The following ZNF516 variants were observed in gnomAD, a reference collection of about 807,000 sequenced individuals.
The protein encoded by ZNF516 is zinc finger protein 516.
Under a neutral mutation model 79.7 loss-of-function variants are expected in ZNF516, and 19 were observed. That is an observed-to-expected ratio of 0.24 (90% confidence interval 0.17 to 0.35). ZNF516 has a LOEUF of 0.35. Among genes scored for constraint, ZNF516 ranks in the 10% least tolerant of loss-of-function variants. ZNF516 has a pLI of 1.00. For synonymous variants in ZNF516, 877 were observed against 739.5 expected, an observed-to-expected ratio of 1.19 and a Z score of -3.02; for missense variants, 1,678 against 1,679.5, an observed-to-expected ratio of 1.00 and a Z score of 0.02.
At chr18:76,391,488 C>T (rs536913262) in intron 3 of ZNF516, among the ~76,000 whole-genome samples, 10 of 152,222 alleles carry the variant, frequency 6.6e-5, no homozygotes, top group African/African-American at 2.4e-4. Context: ...CTAACCCTAC[C>T]CCTACACCTA....
chr18:76,476,805 A>G (rs976975936), intron 1 of ZNF516, among the ~76,000 whole-genome samples: 4 of 152,198 alleles, frequency 2.6e-5, no homozygotes, highest in Non-Finnish European at 5.9e-5. Flanking sequence ...GAACAACTAT[A>G]AATTTCACAT....
chr18:76,466,749 A>G (rs1913497786), intron 1 of ZNF516, among the ~76,000 whole-genome samples: 1 of 152,172 alleles, frequency 6.6e-6, no homozygotes, highest in Admixed American at 6.5e-5. Flanking sequence ...AAAAGTAGAG[A>G]AGGGACCCTG....
chr18:76,381,025 CAAG>C (rs2074884044), intron 3 of ZNF516, among the ~76,000 whole-genome samples: 1 of 152,234 alleles, frequency 6.6e-6, no homozygotes, highest in African/African-American at 2.4e-5. Context: ...TTCCGCCCCT[CAAG>C]CTCTGCGCCC....
At chr18:76,404,432 C>T (rs1201065731) in intron 3 of ZNF516, among the ~76,000 whole-genome samples, 2 of 151,814 alleles carry the variant, frequency 1.3e-5, no homozygotes, top group African/African-American at 2.4e-5. Context: ...CATGTGTGCA[C>T]GTGTAAGAGT....
chr18:76,391,429 T>C (rs2075073036), intron 3 of ZNF516, among the ~76,000 whole-genome samples: 1 of 151,992 alleles, frequency 6.6e-6, no homozygotes, highest in Non-Finnish European at 1.5e-5. Context: ...CCACTAACTC[T>C]AACACTATTA....
intron 3 of ZNF516, among the ~76,000 whole-genome samples, chr18:76,413,554 T>C (rs954665948): frequency 4.0e-5 from 6 of 150,858 alleles, no homozygotes; most frequent in African/African-American, 7.2e-5. Context: ...ATAAAGTACA[T>C]TTTTTGTTTC....
intron 3 of ZNF516, among the ~76,000 whole-genome samples, chr18:76,439,553 A>G (rs189151860): frequency 1.8e-4 from 28 of 152,352 alleles, no homozygotes; most frequent in Admixed American, 1.1e-3. Context: ...TTTAAGACAT[A>G]AACAGTAGTC....
chr18:76,492,982 G>A, intron 1 of ZNF516: 6 of 985,556 alleles, frequency 6.1e-6, no homozygotes, highest in Non-Finnish European at 7.2e-6. Flanking sequence ...ACGCGCACGC[G>A]CGCGCTCACA....
intron 5 of ZNF516, among the ~76,000 whole-genome samples, chr18:76,371,040 G>A (rs2074695161): frequency 6.6e-6 from 1 of 152,186 alleles, no homozygotes; most frequent in Non-Finnish European, 1.5e-5. Flanking sequence ...GAGGGATTTT[G>A]CAGTACATCC....
In ZNF516 at chr18:76,442,689, C is replaced by G. The variant is rs28670651; in HGVS notation, c.366G>C (p.Ser122=). The change falls in exon 3 of 7, where the codon TCG becomes TCC. Residue 122 remains serine (S), a synonymous_variant. Coordinates refer to ENST00000443185, the MANE Select transcript of ZNF516 (RefSeq NM_014643.4). Reference sequence around the variant, plus strand: ...CCCCGTTCAGCAGCCGGTTGCAGGCCGAGGCGCTCTTGGTGGGGCTGGCGC... The same window carrying G: ...CCCCGTTCAGCAGCCGGTTGCAGGCGGAGGCGCTCTTGGTGGGGCTGGCGC... The part of the protein sequence containing the change: ...DACASPTKSA[S]ACNRLLNGAS... 2.5e-6 allele frequency: 4 copies of G among 1,583,396 alleles called. No individual in the cohort carries two copies. Among genetic ancestry groups the G allele is most frequent in the Non-Finnish European group, 3.4e-6 (4 of 1,167,262 alleles).
chr18:76,385,776 G>GCCCCCCCC (rs147872052), intron 3 of ZNF516: 1 of 146,766 alleles, frequency 6.8e-6, no homozygotes, highest in Non-Finnish European at 1.5e-5. Flanking sequence ...CCACTGCACT[G>GCCCCCCCC]CCCCCCCCCC....
intron 2 of ZNF516, among the ~76,000 whole-genome samples, chr18:76,455,176 G>A (rs560823647): frequency 1.3e-5 from 2 of 152,260 alleles, no homozygotes; most frequent in South Asian, 2.1e-4. Flanking sequence ...CCAAGAACTC[G>A]AAGACCATGA....
intron 3 of ZNF516, among the ~76,000 whole-genome samples, chr18:76,436,999 G>A (rs1039073344): frequency 3.3e-5 from 5 of 151,672 alleles, no homozygotes; most frequent in African/African-American, 7.3e-5. Context: ...CCCGGGAGGC[G>A]GAGGTTGCAG....
chr18:76,489,032 G>A (rs1490777993), intron 1 of ZNF516, among the ~76,000 whole-genome samples: 1 of 152,208 alleles, frequency 6.6e-6, no homozygotes, highest in Non-Finnish European at 1.5e-5. Flanking sequence ...CCCTGCTGCA[G>A]AACGCAGTGA....
rs150255264 is a variant in ZNF516, at chr18:76,471,115, G to C, written c.-271-7974C>G. Among the ~76,000 whole-genome samples the C allele has an allele frequency of 1.4e-3, 217 of 151,932 alleles. 1 individual carries two copies. Among genetic ancestry groups the C allele is most frequent in the East Asian group, 4.4e-3 (23 of 5,172 alleles). On this transcript the variant is annotated intron_variant, in intron 1 of 6. Coordinates refer to ENST00000443185, the MANE Select transcript of ZNF516 (RefSeq NM_014643.4). Reference sequence around the variant, plus strand: ...TTACAGTATTCCTCACCAATCTGTTGGGCAGAAGAAACAAGAAACACAGAT... The same window carrying C: ...TTACAGTATTCCTCACCAATCTGTTCGGCAGAAGAAACAAGAAACACAGAT...
At chr18:76,399,103 C>T (rs376606295) in intron 3 of ZNF516, among the ~76,000 whole-genome samples, 3 of 152,314 alleles carry the variant, frequency 2.0e-5, no homozygotes, top group South Asian at 4.1e-4. Flanking sequence ...ATGGCACCTG[C>T]GCCCAAGCTA....
chr18:76,441,099 G>A (rs2075811584), intron 3 of ZNF516, 146 bp downstream of exon 3: 6 of 1,246,136 alleles, frequency 4.8e-6, no homozygotes, highest in Admixed American at 2.9e-5. Context: ...GAGTCCCAGG[G>A]TTACCTGAGC....
At chr18:76,405,581 C>T (rs1376606861) in intron 3 of ZNF516, among the ~76,000 whole-genome samples, 2 of 152,096 alleles carry the variant, frequency 1.3e-5, no homozygotes, top group Non-Finnish European at 2.9e-5. Context: ...CTACCCCTTT[C>T]ACTTTCGGGG....
At position 76,467,848 on chromosome 18, in the gene ZNF516, C is replaced by T. The variant is rs757176836; in HGVS notation, c.-271-4707G>A. Among the ~76,000 whole-genome samples, 4 of 152,210 alleles carry T rather than the reference C, an allele frequency of 2.6e-5. No homozygotes were observed. The highest frequency in any genetic ancestry group is 4.8e-5 in the African/African-American group (2 of 41,444). ...TCGAATAACTACATGCATCCCATCC[C>T]GCTCAGGGCAGCTACATATAAGTAA... On this transcript the variant is annotated intron_variant, in intron 1 of 6. Coordinates refer to ENST00000443185, the MANE Select transcript of ZNF516 (RefSeq NM_014643.4). The surrounding 1 kb of genome is among the most constrained non-coding windows in gnomAD (Gnocchi z 4.2).
Sources: gnomAD v4.1 joint callset for allele counts (sites outside exome capture counted in the v4.1 genomes callset) on GRCh38, gnomAD v4.1.1 for gene constraint, Gnocchi (gnomAD v3.1) non-coding constraint, MANE v1.5 for transcripts, NCBI Gene and HGNC (gene_info 2026-07-23, HGNC 2026-07-21) for gene names.